ADAMTS3: variants seen among roughly 807,000 people sequenced by gnomAD.
ADAMTS3 encodes A disintegrin and metalloproteinase with thrombospondin motifs 3.
ADAMTS3 carries 73 observed loss-of-function variants against 129.0 expected under a neutral mutation model. That is an observed-to-expected ratio of 0.57 (90% CI 0.47 to 0.69). The LOEUF is 0.69. Ranked by LOEUF, ADAMTS3 falls within the 30% of genes least tolerant of loss-of-function variation. The pLI, the probability that ADAMTS3 is intolerant of heterozygous loss-of-function variation, is 0.00. For missense variants in ADAMTS3, 1,457 were observed against 1,514.5 expected (o/e 0.96, Z 0.63); for synonymous variants, 477 against 510.8 (o/e 0.93, Z 0.89).
At chr4:72,370,537 T>C (rs1353188839) in intron 4 of ADAMTS3, among the ~76,000 whole-genome samples, 3 of 152,092 alleles carry the variant, frequency 2.0e-5, no homozygotes, top group Admixed American at 6.6e-5. Context: ...GCATTTCCCG[T>C]ACAGAACAGA....
intron 18 of ADAMTS3, among the ~76,000 whole-genome samples, chr4:72,296,285 C>T (rs375413655): frequency 6.6e-6 from 1 of 151,902 alleles, no homozygotes; most frequent in Non-Finnish European, 1.5e-5. Flanking sequence ...AAGGAAATAA[C>T]GTGTGAAAAA....
At chr4:72,537,656 T>C (rs1194791766) in intron 3 of ADAMTS3, among the ~76,000 whole-genome samples, 6 of 151,956 alleles carry the variant, frequency 3.9e-5, no homozygotes, top group Non-Finnish European at 5.9e-5. Flanking sequence ...CACTGAGGAA[T>C]GGGAGGAAAT....
chr4:72,446,464 A>G (rs1718255533), intron 3 of ADAMTS3, among the ~76,000 whole-genome samples: 1 of 151,606 alleles, frequency 6.6e-6, no homozygotes, highest in Non-Finnish European at 1.5e-5. Context: ...AACAATGAAC[A>G]AATTCAGGCT....
At chr4:72,291,534 AATG>A (rs1281629846) in intron 19 of ADAMTS3, among the ~76,000 whole-genome samples, 1 of 151,650 alleles carries the variant, frequency 6.6e-6, no homozygotes, top group African/African-American at 2.4e-5. Flanking sequence ...GTTTACTGAG[AATG>A]ATGATTTCCA....
chr4:72,429,597 G>C (rs1444935863), intron 3 of ADAMTS3, among the ~76,000 whole-genome samples: 1 of 152,000 alleles, frequency 6.6e-6, no homozygotes. Flanking sequence ...GGAGATTAGT[G>C]ACTGATAACT....
At chr4:72,333,828 GTTGT>G (rs1198195793) in intron 5 of ADAMTS3, among the ~76,000 whole-genome samples, 1 of 127,122 alleles carries the variant, frequency 7.9e-6, no homozygotes, top group Non-Finnish European at 1.7e-5. Context: ...TTTTGTTGTT[GTTGT>G]TTGTTTGTTT....
At chr4:72,535,043 G>A (rs913434942) in intron 3 of ADAMTS3, among the ~76,000 whole-genome samples, 2 of 152,168 alleles carry the variant, frequency 1.3e-5, no homozygotes, top group Non-Finnish European at 2.9e-5. Flanking sequence ...TGACCAAATA[G>A]AGATCTCATG....
At chr4:72,528,706 CTCTT>C (rs1352767109) in intron 3 of ADAMTS3, among the ~76,000 whole-genome samples, 1 of 152,030 alleles carries the variant, frequency 6.6e-6, no homozygotes, top group African/African-American at 2.4e-5. Flanking sequence ...TCGTAACACT[CTCTT>C]TATTTTATGA....
chr4:72,410,327 C>A (rs1722155827), intron 4 of ADAMTS3, among the ~76,000 whole-genome samples: 1 of 152,134 alleles, frequency 6.6e-6, no homozygotes. Flanking sequence ...CCACCTGGGA[C>A]AAAAACACGC....
At chr4:72,351,541 C>T (rs533709261) in intron 4 of ADAMTS3, among the ~76,000 whole-genome samples, 9 of 140,982 alleles carry the variant, frequency 6.4e-5, no homozygotes, top group South Asian at 2.5e-4. Flanking sequence ...GGTTGAGTAG[C>T]ATTTAGGAAA....
At chr4:72,327,518 T>G (rs759859950) in intron 5 of ADAMTS3, among the ~76,000 whole-genome samples, 17 of 152,194 alleles carry the variant, frequency 1.1e-4, no homozygotes, top group Non-Finnish European at 2.2e-4. Flanking sequence ...ATTTTACAAG[T>G]GCAAAAGCTC....
intron 3 of ADAMTS3, among the ~76,000 whole-genome samples, chr4:72,530,031 AATATAATATATTATATT>A (rs1720947537): frequency 9.7e-4 from 3 of 3,084 alleles, no homozygotes; most frequent in African/African-American, 1.5e-3. Context: ...TTTATATATA[AATATAATATATTATATT>A]TATATATAAT....
chr4:72,292,651 G>T (rs1240591973), intron 19 of ADAMTS3, among the ~76,000 whole-genome samples: 1 of 152,126 alleles, frequency 6.6e-6, no homozygotes, highest in Non-Finnish European at 1.5e-5. Flanking sequence ...AGTCCCAAAG[G>T]GTGGTCACCA....
Position 72,458,853 on chromosome 4 carries a change from T to TAA in ADAMTS3, c.505-43884_505-43883dup, listed in dbSNP as rs754617118. On this transcript the variant is annotated intron_variant, in intron 3 of 21. Transcript: ENST00000286657. ...TTTTCAGTAAGAACAAGGCTGAATG[T>TAA]AACCAGGACCTAGAAAGAACACTTA... Among the ~76,000 whole-genome samples, 7 of 151,566 alleles carry TAA rather than the reference T, an allele frequency of 4.6e-5. No homozygotes were observed. In the South Asian group the frequency reaches 1.0e-3, roughly 22 times the overall value.
chr4:72,360,488 C>A (rs1720693011), intron 4 of ADAMTS3, among the ~76,000 whole-genome samples: 1 of 151,806 alleles, frequency 6.6e-6, no homozygotes, highest in Non-Finnish European at 1.5e-5. Flanking sequence ...TTTTCATTTT[C>A]TTCATTTTAG....
intron 5 of ADAMTS3, among the ~76,000 whole-genome samples, chr4:72,327,366 A>C (rs1490797714): frequency 6.6e-6 from 1 of 152,208 alleles, no homozygotes; most frequent in Non-Finnish European, 1.5e-5. Flanking sequence ...AAAGGAAAGT[A>C]ATTTTTCTGA....
rs1719175470 is a variant in ADAMTS3 at position 72,309,529 on chromosome 4, A to T, written c.2056-9T>A. The T allele has an allele frequency of 1.2e-6, 2 of 1,610,456 alleles. No individual in the cohort carries two copies. The highest frequency in any genetic ancestry group is 1.7e-6 in the Non-Finnish European group (2 of 1,177,624). ...TTATCACAGCCCACTTTCTGGAGAGAGAAGATGTCAAATGTGGCTAATTTT... is the reference window on the plus strand; with the variant it reads ...TTATCACAGCCCACTTTCTGGAGAGTGAAGATGTCAAATGTGGCTAATTTT... On this transcript the variant is annotated splice_polypyrimidine_tract_variant and intron_variant, in intron 14 of 21. Coordinates refer to ENST00000286657, the MANE Select transcript of ADAMTS3 (RefSeq NM_014243.3).
At position 72,414,999 on chromosome 4, in the gene ADAMTS3, T is replaced by G. The variant is rs565130775; in HGVS notation, c.505-28A>C. The stretch of plus-strand genomic sequence containing the variant: ...AGAGAAAGCACAAAATGTGTTAATT[T>G]AAAAAAGAAATATCTATCATCTTCA... On this transcript the variant is annotated intron_variant, in intron 3 of 21. Coordinates refer to ENST00000286657, the MANE Select transcript of ADAMTS3 (RefSeq NM_014243.3). 9.3e-6 allele frequency: 13 copies of G among 1,399,890 alleles called. No homozygotes were observed. In the East Asian group the frequency reaches 3.5e-4, roughly 38 times the overall value. The allele number at this position is 1,399,890 out of a possible 1,614,324, so 86.7% of individuals were successfully genotyped here.
chr4:72,437,134 C>A (rs572024507), intron 3 of ADAMTS3, among the ~76,000 whole-genome samples: 1 of 151,936 alleles, frequency 6.6e-6, no homozygotes, highest in South Asian at 2.1e-4. Context: ...AGTAGAACTA[C>A]AAATTGTGAT....
Sources: allele counts gnomAD v4.1 joint callset (sites outside exome capture counted in the v4.1 genomes callset), GRCh38; gene constraint gnomAD v4.1.1; transcripts MANE v1.5; gene names NCBI Gene and HGNC (gene_info 2026-07-23, HGNC 2026-07-21).